The following KCNQ1 variants were observed in gnomAD, a reference collection of about 807,000 sequenced individuals.
KCNQ1 encodes potassium voltage-gated channel subfamily Q member 1.
KCNQ1 carries 49 observed loss-of-function variants against 72.4 expected under a neutral mutation model. The ratio of observed to expected loss-of-function variants is 0.68; its 90% CI spans 0.54 to 0.86. The LOEUF is 0.86. Among genes scored for constraint, KCNQ1 ranks in the 40% least tolerant of loss-of-function variants. The pLI, the probability that KCNQ1 is intolerant of heterozygous loss-of-function variation, is 0.00. For synonymous variants in KCNQ1, 450 were observed against 412.6 expected (o/e 1.09, Z -1.10); for missense variants, 790 against 945.1 (o/e 0.84, Z 2.15).
At chr11:2,476,227 A>G (rs1389383108) in intron 1 of KCNQ1, among the ~76,000 whole-genome samples, 1 of 152,218 alleles carries the variant, frequency 6.6e-6, no homozygotes, top group Admixed American at 6.5e-5. Flanking sequence ...AAACTTCAAG[A>G]CATTCTAAAA....
chr11:2,726,609 G>A (rs895506338), intron 11 of KCNQ1, among the ~76,000 whole-genome samples: 1 of 152,006 alleles, frequency 6.6e-6, no homozygotes, highest in African/African-American at 2.4e-5. Context: ...AAGATCTGGT[G>A]GACTGAGGCC....
In KCNQ1 at chr11:2,715,168, A is replaced by T. The variant is rs1377286229; in HGVS notation, c.1514+53087A>T. Among the ~76,000 whole-genome samples, 1 of 152,146 alleles carries T rather than the reference A, an allele frequency of 6.6e-6. No individual in the cohort carries two copies. Among genetic ancestry groups the T allele is most frequent in the Non-Finnish European group, 1.5e-5 (1 of 68,022 alleles). On this transcript the variant is annotated intron_variant, in intron 11 of 15. Coordinates refer to ENST00000155840, the MANE Select transcript of KCNQ1 (RefSeq NM_000218.3). The surrounding 1 kb of genome is among the most constrained non-coding windows in gnomAD (Gnocchi z 4.9). Reference sequence around the variant, plus strand: ...CACCCATCCTCCCATGAACCTCAGCATGGGCACCCCATGCCACCCGCTCCA... The same window carrying T: ...CACCCATCCTCCCATGAACCTCAGCTTGGGCACCCCATGCCACCCGCTCCA...
Position 2,647,175 on chromosome 11 carries a change from T to A in KCNQ1, c.1394-14786T>A, listed in dbSNP as rs1437982371. The stretch of plus-strand genomic sequence containing the variant: ...ACATTATGTGATGAGCTTTTTTTTT[T>A]ATCATGAAGAGATTTTGAATTTTAT... On this transcript the variant is annotated intron_variant, in intron 10 of 15. Transcript: ENST00000155840. This position sits in a 1 kb window ranked among gnomAD's most constrained non-coding sequence, Gnocchi z 4.0. The A allele has an allele frequency of 5.0e-6, 2 of 398,452 alleles. No homozygotes were observed. Among genetic ancestry groups the A allele is most frequent in the East Asian group, 3.6e-5 (1 of 28,042 alleles). The allele number at this position is 398,452 out of a possible 1,614,324, so 24.7% of individuals were successfully genotyped here. A position where few individuals can be genotyped will look rare whatever the true frequency, so the allele number is the denominator to read the frequency against.
intron 2 of KCNQ1, among the ~76,000 whole-genome samples, chr11:2,532,050 T>C (rs981312562): frequency 1.4e-4 from 21 of 152,310 alleles, no homozygotes; most frequent in African/African-American, 4.6e-4. Context: ...AGCCCTCTTC[T>C]CTGGACCTGG....
chr11:2,626,013 T>TAATA lies in KCNQ1; in HGVS notation c.1394-35947_1394-35946insATAA. The TAATA allele has an allele frequency of 2.5e-6, 1 of 398,674 alleles. No individual in the cohort carries two copies. The highest frequency in any genetic ancestry group is 4.4e-6 in the Non-Finnish European group (1 of 226,068). The allele number at this position is 398,674 out of a possible 1,614,324, so 24.7% of individuals were successfully genotyped here. A position where few individuals can be genotyped will look rare whatever the true frequency, so the allele number is the denominator to read the frequency against. The stretch of plus-strand genomic sequence containing the variant: ...GGTTGTCTTATTGCTTAGTTGATAT[T>TAATA]ATTTTAATGCACACAATGTAAATTT... On this transcript the variant is annotated intron_variant, in intron 10 of 15. Transcript: ENST00000155840. This position sits in a 1 kb window ranked among gnomAD's most constrained non-coding sequence, Gnocchi z 4.0.
At chr11:2,697,307 A>G (rs1275495744) in intron 11 of KCNQ1, 3 of 398,494 alleles carry the variant, frequency 7.5e-6, no homozygotes, top group Admixed American at 4.4e-5. Flanking sequence ...ATGTTTGAGA[A>G]TCTTTATGGA....
chr11:2,552,629 T>C (rs953069415), intron 2 of KCNQ1, among the ~76,000 whole-genome samples: 3 of 152,252 alleles, frequency 2.0e-5, no homozygotes, highest in Non-Finnish European at 4.4e-5. Flanking sequence ...TTGCATTGGA[T>C]ATGTAGATAA....
intron 10 of KCNQ1, chr11:2,648,438 T>G (rs995379882): frequency 3.3e-5 from 13 of 398,422 alleles, no homozygotes; most frequent in Non-Finnish European, 4.9e-5. Flanking sequence ...GCACTTCTTT[T>G]GTTGTACCCT....
intron 10 of KCNQ1, among the ~76,000 whole-genome samples, chr11:2,596,651 T>C (rs1292631529): frequency 6.6e-6 from 1 of 150,972 alleles, no homozygotes; most frequent in African/African-American, 2.4e-5. Flanking sequence ...ACCACTAATA[T>C]AGAGTGACAA....
chr11:2,795,522 G>A (rs895500278), intron 15 of KCNQ1, among the ~76,000 whole-genome samples: 3 of 152,198 alleles, frequency 2.0e-5, no homozygotes, highest in Non-Finnish European at 2.9e-5. Flanking sequence ...TGGGCCCCAC[G>A]GAGCTTCCCC....
intron 15 of KCNQ1, among the ~76,000 whole-genome samples, chr11:2,793,497 G>T (rs966629081): frequency 6.6e-6 from 1 of 152,212 alleles, no homozygotes; most frequent in African/African-American, 2.4e-5. Flanking sequence ...GATGGTGTGT[G>T]CCTGTGGTCC....
chr11:2,653,241 C>T lies in KCNQ1; in HGVS notation c.1394-8720C>T, dbSNP rs1849785084. On this transcript the variant is annotated intron_variant, in intron 10 of 15. Coordinates refer to ENST00000155840, the MANE Select transcript of KCNQ1 (RefSeq NM_000218.3). This position sits in a 1 kb window ranked among gnomAD's most constrained non-coding sequence, Gnocchi z 5.3. Reference sequence around the variant, plus strand: ...CTTGGCCTCAGGCCAGCTTCTTTCCCACAAGCCTTCTCCCTGCCCTCTGCC... The same window carrying T: ...CTTGGCCTCAGGCCAGCTTCTTTCCTACAAGCCTTCTCCCTGCCCTCTGCC... 2.5e-6 allele frequency: 1 copy of T among 398,776 alleles called. No individual in the cohort carries two copies. Among genetic ancestry groups the T allele is most frequent in the Non-Finnish European group, 4.4e-6 (1 of 226,136 alleles). 24.7% of individuals were successfully genotyped at this position (398,776 alleles called of 1,614,324 possible).
At chr11:2,571,937 A>G (rs1848340649) in intron 4 of KCNQ1, 76 bp from the exon 5 acceptor site, 2 of 1,285,236 alleles carry the variant, frequency 1.6e-6, no homozygotes, top group Admixed American at 3.8e-5. Context: ...CACCCATGCC[A>G]TCGGCCAGCC....
rs754281111 is a variant in KCNQ1 at position 2,734,016 on chromosome 11, C to T, written c.1515-34828C>T. Among the ~76,000 whole-genome samples, 3 of 152,116 alleles carry T rather than the reference C, an allele frequency of 2.0e-5. No homozygotes were observed. Among genetic ancestry groups the T allele is most frequent in the African/African-American group, 7.2e-5 (3 of 41,502 alleles). On this transcript the variant is annotated intron_variant, in intron 11 of 15. Coordinates refer to ENST00000155840, the MANE Select transcript of KCNQ1 (RefSeq NM_000218.3). The surrounding 1 kb of genome is among the most constrained non-coding windows in gnomAD (Gnocchi z 7.0). ...GAACATCCTCCTCAGAGCAGTTGCGCGCTCTAAATCAGGACCACCTTGCGG... is the reference window on the plus strand; with the variant it reads ...GAACATCCTCCTCAGAGCAGTTGCGTGCTCTAAATCAGGACCACCTTGCGG...
rs535649270 is a variant in KCNQ1, at chr11:2,685,952, G to C, written c.1514+23871G>C. 259 of 398,766 alleles carry C rather than the reference G, an allele frequency of 6.5e-4. 1 individual carries two copies. The highest frequency in any genetic ancestry group is 4.7e-3 in the African/African-American group (228 of 48,746). 24.7% of individuals were successfully genotyped at this position (398,766 alleles called of 1,614,324 possible). A position where few individuals can be genotyped will look rare whatever the true frequency, so the allele number is the denominator to read the frequency against. On this transcript the variant is annotated intron_variant, in intron 11 of 15. Coordinates refer to ENST00000155840, the MANE Select transcript of KCNQ1 (RefSeq NM_000218.3). ...GCCCACTCTCCCATCCTCCTGCTGG[G>C]TCACACGGATGAGGCCTGTACACTC...
At chr11:2,513,428 T>A (rs1199126629) in intron 1 of KCNQ1, among the ~76,000 whole-genome samples, 1 of 152,124 alleles carries the variant, frequency 6.6e-6, no homozygotes, top group Non-Finnish European at 1.5e-5. Flanking sequence ...CCACCTGCCC[T>A]GCCCTCAAAG....
chr11:2,776,177 C>A (rs1846696076), intron 13 of KCNQ1, 123 bp downstream of exon 13: 3 of 819,006 alleles, frequency 3.7e-6, no homozygotes, highest in South Asian at 1.6e-5. Flanking sequence ...CTCTCAACCA[C>A]CCCCTTCTCC....
rs1331509253 is a variant in KCNQ1, at chr11:2,564,370, G to C, written c.478-6258G>C. On this transcript the variant is annotated intron_variant, in intron 2 of 15. Coordinates refer to ENST00000155840, the MANE Select transcript of KCNQ1 (RefSeq NM_000218.3). The surrounding 1 kb of genome is among the most constrained non-coding windows in gnomAD (Gnocchi z 4.5). The stretch of plus-strand genomic sequence containing the variant: ...GCACTTTGGAAGGCTGAGGCGGGCG[G>C]ATCACCTGAGGTCAGGAGTTTGAGA... Among the ~76,000 whole-genome samples, 1 of 152,166 alleles carries C rather than the reference G, an allele frequency of 6.6e-6. No homozygotes were observed. The highest frequency in any genetic ancestry group is 2.4e-5 in the African/African-American group (1 of 41,434).
At chr11:2,570,983 C>T (rs1323693343) in intron 3 of KCNQ1, among the ~76,000 whole-genome samples, 1 of 152,202 alleles carries the variant, frequency 6.6e-6, no homozygotes, top group Non-Finnish European at 1.5e-5. Flanking sequence ...CACAGATTCC[C>T]ATGAGCCTCA....
Sources: gnomAD v4.1 joint callset for allele counts (sites outside exome capture counted in the v4.1 genomes callset) on GRCh38, gnomAD v4.1.1 for gene constraint, Gnocchi (gnomAD v3.1) non-coding constraint, MANE v1.5 for transcripts, NCBI Gene and HGNC (gene_info 2026-07-23, HGNC 2026-07-21) for gene names.